Variants in C17orf99 observed in about 807,000 individuals in gnomAD.
C17orf99 encodes the protein chromosome 17 open reading frame 99, also known as protein IL-40.
Under a neutral mutation model 22.6 loss-of-function variants are expected in C17orf99, and 18 were observed. The observed-to-expected ratio is 0.80, with a 90% CI of 0.55 to 1.18. The LOEUF is 1.18. Among genes scored for constraint, C17orf99 ranks in the 50% most tolerant of loss-of-function variants. The probability of loss-of-function intolerance (pLI) is 0.00; values close to 1 mark genes in which losing one functional copy is unlikely to be tolerated. For missense variants in C17orf99, 328 were observed against 342.7 expected (o/e 0.96, Z 0.34); for synonymous variants, 147 against 136.6 (o/e 1.08, Z -0.53).
In C17orf99 at chr17:78,164,087, C is replaced by T. The variant is rs1207024402; in HGVS notation, c.371-8C>T. 5.2e-6 allele frequency: 8 copies of T among 1,551,390 alleles called. No homozygotes were observed. In the Admixed American group the frequency reaches 7.8e-5, roughly 15 times the overall value. ...CCATGCCTGTGCTACCTTCTCCCAC[C>T]CTGCCAGAGCCAGTGTCTGAGCTGC... On this transcript the variant is annotated splice_polypyrimidine_tract_variant and splice_region_variant and intron_variant, in intron 3 of 4. Transcript: ENST00000340363.
intron 4 of C17orf99, chr17:78,165,387 C>G: frequency 1.0e-6 from 1 of 985,566 alleles, no homozygotes; most frequent in Non-Finnish European, 1.2e-6. Flanking sequence ...CGTGGGTGAG[C>G]CATGTCACCT....
At chr17:78,164,715 G>A in intron 4 of C17orf99, 2 of 1,354,668 alleles carry the variant, frequency 1.5e-6, no homozygotes, top group Non-Finnish European at 1.9e-6. Context: ...GATGGCCTGA[G>A]AGGTCCAACC....
intron 2 of C17orf99, chr17:78,158,268 C>T: frequency 1.9e-6 from 1 of 514,962 alleles, no homozygotes; most frequent in Non-Finnish European, 3.7e-6. Context: ...TTGGCTCTGC[C>T]CTGGTCCTAG....
rs901412599 is a variant in C17orf99 at position 78,153,463 on chromosome 17, C to T, written c.70+6552C>T. ...TCGTGTCACTGCAGTCCAGCCTGGG[C>T]GACAGAGCAAGACTCCGTCTCAAAA... On this transcript the variant is annotated intron_variant, in intron 2 of 4. Transcript: ENST00000340363. Among the ~76,000 whole-genome samples the T allele has an allele frequency of 7.3e-5, 11 of 150,642 alleles. No homozygotes were observed. In the East Asian group the frequency reaches 7.8e-4, roughly 11 times the overall value.
At chr17:78,151,205 A>C (rs2075479776) in intron 2 of C17orf99, among the ~76,000 whole-genome samples, 1 of 151,812 alleles carries the variant, frequency 6.6e-6, no homozygotes, top group African/African-American at 2.4e-5. Context: ...TGGGCGGATC[A>C]CCTAAGGTCA....
chr17:78,151,474 A>T (rs1009430426), intron 2 of C17orf99, among the ~76,000 whole-genome samples: 10 of 151,806 alleles, frequency 6.6e-5, no homozygotes, highest in Admixed American at 6.6e-4. Flanking sequence ...ACCAAAAAAC[A>T]ACACCAACAA....
At position 78,164,252 on chromosome 17, in the gene C17orf99, C is replaced by G; in HGVS notation, c.528C>G (p.His176Gln). 16 of 1,551,524 alleles carry G rather than the reference C, an allele frequency of 1.0e-5. No homozygotes were observed. Among genetic ancestry groups the G allele is most frequent in the Non-Finnish European group, 1.4e-5 (16 of 1,147,014 alleles). The change falls in exon 4 of 5, where the codon CAC (histidine) becomes CAG (glutamine). Residue 176 changes from histidine (H) to glutamine (Q), a missense_variant. Physicochemically the swap from His to Gln is conservative, Grantham distance 24. Transcript: ENST00000340363. ...TCCACCTGCAGCAGAGACCATGCCA[C>G]AGGCAGCCTGCCAACTTCTCCTTCC... ...GQVHLQQRPC[H>Q]RQPANFSFLP...
chr17:78,163,040 C>A (rs1437801502), intron 3 of C17orf99, among the ~76,000 whole-genome samples: 1 of 152,242 alleles, frequency 6.6e-6, no homozygotes, highest in Non-Finnish European at 1.5e-5. Context: ...CTACCTAGGC[C>A]TCCTAAAGTG....
At chr17:78,164,001 C>G in intron 3 of C17orf99, 94 bp from the exon 4 acceptor site, 1 of 1,133,752 alleles carries the variant, frequency 8.8e-7, no homozygotes, top group Admixed American at 2.0e-5. Context: ...CACAGCTAAG[C>G]TCATTAGGCA....
intron 2 of C17orf99, among the ~76,000 whole-genome samples, chr17:78,159,500 G>A (rs895265719): frequency 2.6e-5 from 4 of 151,518 alleles, no homozygotes; most frequent in South Asian, 2.1e-4. Flanking sequence ...TTAGCCAGGC[G>A]TAGTGGTGGG....
At chr17:78,162,297 G>T (rs953114064) in intron 3 of C17orf99, among the ~76,000 whole-genome samples, 1 of 140,062 alleles carries the variant, frequency 7.1e-6, no homozygotes, top group Admixed American at 7.2e-5. Flanking sequence ...AAAAAAAGTC[G>T]CCCCAGGCCA....
Position 78,155,537 on chromosome 17 carries a change from G to A in C17orf99, c.71-5418G>A, listed in dbSNP as rs141366022. Reference sequence around the variant, plus strand: ...TCACTATGTTGCCTAGGCTGGTCTGGAACCCCTGGGCTTAAGCAATCCTCC... The same window carrying A: ...TCACTATGTTGCCTAGGCTGGTCTGAAACCCCTGGGCTTAAGCAATCCTCC... On this transcript the variant is annotated intron_variant, in intron 2 of 4. Transcript: ENST00000340363. Among the ~76,000 whole-genome samples, 811 of 152,112 alleles carry A rather than the reference G, an allele frequency of 5.3e-3. 6 individuals carry two copies. The highest frequency in any genetic ancestry group is 0.018 in the African/African-American group (756 of 41,508).
At chr17:78,161,707 G>T (rs1251286205) in intron 3 of C17orf99, among the ~76,000 whole-genome samples, 1 of 152,000 alleles carries the variant, frequency 6.6e-6, no homozygotes, top group Non-Finnish European at 1.5e-5. Context: ...AGCTGGGCGT[G>T]GCGGGGTGCA....
At chr17:78,156,514 G>A (rs932175890) in intron 2 of C17orf99, among the ~76,000 whole-genome samples, 5 of 152,006 alleles carry the variant, frequency 3.3e-5, no homozygotes, top group Non-Finnish European at 7.4e-5. Flanking sequence ...ATGCGCTGAC[G>A]GGCTGGTTTT....
intron 4 of C17orf99, chr17:78,164,597 G>A (rs959741647): frequency 2.0e-6 from 3 of 1,524,170 alleles, no homozygotes; most frequent in South Asian, 1.2e-5. Flanking sequence ...CCATCGTGCT[G>A]GTTGGCAGCC....
rs144173406 is a variant in C17orf99, at chr17:78,163,501, A to G, written c.371-594A>G. Among the ~76,000 whole-genome samples the G allele has an allele frequency of 3.2e-3, 485 of 152,356 alleles. 4 individuals are homozygous for G. The highest frequency in any genetic ancestry group is 0.011 in the African/African-American group (453 of 41,598). ...ACATACGTATAGTAAAAGATTATTC[A>G]TTGTTTATCTGAAATGAAAATTTAA... On this transcript the variant is annotated intron_variant, in intron 3 of 4. Coordinates refer to ENST00000340363, the MANE Select transcript of C17orf99 (RefSeq NM_001163075.2).
At chr17:78,152,086 GCAGCCCTGTCGT>G (rs1018382974) in intron 2 of C17orf99, among the ~76,000 whole-genome samples, 6 of 152,138 alleles carry the variant, frequency 3.9e-5, no homozygotes, top group African/African-American at 1.4e-4. Flanking sequence ...TGTCCCGAGG[GCAGCCCTGTCGT>G]CACTTTATCA....
At chr17:78,152,397 C>T (rs190812420) in intron 2 of C17orf99, among the ~76,000 whole-genome samples, 140 of 150,430 alleles carry the variant, frequency 9.3e-4, no homozygotes, top group African/African-American at 3.3e-3. Context: ...TGCAGTGGTG[C>T]AATCTTGGCT....
intron 2 of C17orf99, chr17:78,157,962 G>C (rs1387337539): frequency 8.3e-7 from 1 of 1,205,292 alleles, no homozygotes; most frequent in East Asian, 2.5e-5. Flanking sequence ...GGAGATATCT[G>C]CCTGTCAACT....
Sources: gnomAD v4.1 joint callset for allele counts (sites outside exome capture counted in the v4.1 genomes callset) on GRCh38, gnomAD v4.1.1 for gene constraint, MANE v1.5 for transcripts, NCBI Gene and HGNC (gene_info 2026-07-23, HGNC 2026-07-21) for gene names.